CAST: variants seen among roughly 807,000 people sequenced by gnomAD.
CAST encodes the protein calpastatin.
A neutral mutation model predicts 119.6 loss-of-function variants in CAST; 76 were observed. The ratio of observed to expected loss-of-function variants is 0.64; its 90% confidence interval spans 0.53 to 0.77. The LOEUF (loss-of-function observed/expected upper bound fraction) is 0.77, where lower values mean the gene tolerates loss of function less well. CAST is among the 30% of genes least tolerant of loss of function. The pLI is 0.00. For missense variants in CAST, 953 were observed against 946.5 expected, an observed-to-expected ratio of 1.01 and a Z score of -0.09; for synonymous variants, 319 against 331.6, an observed-to-expected ratio of 0.96 and a Z score of 0.41.
rs140363961 is a variant in CAST, at chr5:96,550,508, C to A, written c.60+20628C>A. Among the ~76,000 whole-genome samples, 28 of 152,322 alleles carry A rather than the reference C, an allele frequency of 1.8e-4. 1 individual carries two copies. Among genetic ancestry groups the A allele is most frequent in the East Asian group, 1.7e-3 (9 of 5,182 alleles). On this transcript the variant is annotated intron_variant, in intron 1 of 11. Coordinates refer to the CAST transcript ENST00000505143. Reference sequence around the variant, plus strand: ...TCTAAAAACCAGAACGCCTCTTCTCCTCCAAAGGAACACAACTCCTCACCA... The same window carrying A: ...TCTAAAAACCAGAACGCCTCTTCTCATCCAAAGGAACACAACTCCTCACCA...
intron 1 of CAST, among the ~76,000 whole-genome samples, chr5:96,542,554 T>C (rs920772423): frequency 2.7e-5 from 4 of 148,724 alleles, no homozygotes; most frequent in African/African-American, 9.9e-5. Context: ...TCTTTTCATA[T>C]GATTATTTGC....
chr5:96,612,222 C>T (rs543459563), intron 1 of CAST, among the ~76,000 whole-genome samples: 1 of 152,242 alleles, frequency 6.6e-6, no homozygotes, highest in African/African-American at 2.4e-5. Context: ...ATATGAGATA[C>T]TTAGACACTA....
chr5:96,086,036 A>C, the CAST span, among the ~76,000 whole-genome samples: 1,496 of 152,292 alleles, frequency 9.8e-3, 31 homozygotes, highest in African/African-American at 0.034. Context: ...CAAGTCTCTA[A>C]TACAAAACAG....
chr5:96,186,413 C>G, the CAST span, among the ~76,000 whole-genome samples: 17 of 152,226 alleles, frequency 1.1e-4, no homozygotes, highest in South Asian at 2.1e-4. Context: ...ACAGGGCATC[C>G]TTGTCTTGTG....
intron 24 of CAST, among the ~76,000 whole-genome samples, 177 bp downstream of exon 24, chr5:96,757,831 C>T (rs563201144): frequency 2.2e-4 from 34 of 152,070 alleles, no homozygotes; most frequent in African/African-American, 7.5e-4. Context: ...GCTGGGACTA[C>T]AGGGGTGCAC....
chr5:96,677,397 A>G (rs865821296), intron 2 of CAST, among the ~76,000 whole-genome samples: 2 of 152,240 alleles, frequency 1.3e-5, no homozygotes, highest in Non-Finnish European at 2.9e-5. Context: ...CATTATTGGT[A>G]TGTAACAACT....
intron 4 of CAST, among the ~76,000 whole-genome samples, chr5:96,725,405 G>A (rs1293510098): frequency 6.6e-6 from 1 of 152,196 alleles, no homozygotes; most frequent in Non-Finnish European, 1.5e-5. Context: ...TGGGGAGAGA[G>A]TGCAGTGCGA....
intron 1 of CAST, among the ~76,000 whole-genome samples, chr5:96,560,680 A>T (rs1249136506): frequency 6.6e-6 from 1 of 152,160 alleles, no homozygotes; most frequent in Admixed American, 6.5e-5. Flanking sequence ...TAGAATGGCG[A>T]TCATTAAAAA....
At chr5:96,025,746 A>G in the CAST span, among the ~76,000 whole-genome samples, 2 of 152,208 alleles carry the variant, frequency 1.3e-5, no homozygotes, top group Non-Finnish European at 2.9e-5. Context: ...TGGGGCTGTC[A>G]AGGAAGGCTT....
chr5:96,709,495 A>T (rs1326990940), intron 3 of CAST, among the ~76,000 whole-genome samples: 2 of 152,116 alleles, frequency 1.3e-5, no homozygotes, highest in Non-Finnish European at 2.9e-5. Flanking sequence ...TTTTATGTTA[A>T]ATTTTATTCA....
At chr5:96,515,074 C>T in the CAST span, among the ~76,000 whole-genome samples, 1 of 152,106 alleles carries the variant, frequency 6.6e-6, no homozygotes, top group Non-Finnish European at 1.5e-5. Flanking sequence ...AAATGTCAAT[C>T]TTTCTCTTTT....
chr5:96,507,461 A>G, the CAST span, among the ~76,000 whole-genome samples: 20 of 152,300 alleles, frequency 1.3e-4, no homozygotes, highest in South Asian at 4.1e-3. Flanking sequence ...GGATCTCAAC[A>G]AACTTTTATA....
the CAST span, among the ~76,000 whole-genome samples, chr5:96,381,203 A>G: frequency 3.3e-5 from 5 of 152,210 alleles, no homozygotes; most frequent in Admixed American, 6.5e-5. Context: ...TCTTCTCATT[A>G]ACATTATGTT....
chr5:96,621,801 A>G lies in CAST; in HGVS notation c.61-53738A>G, dbSNP rs529286028. On this transcript the variant is annotated intron_variant, in intron 1 of 11. Transcript: ENST00000505143. ...GCATCTTCAGTCTTTCTCTCCTTCT[A>G]TCTTACTGTTGACATCCTTCTGGAA... Among the ~76,000 whole-genome samples the G allele has an allele frequency of 3.0e-4, 45 of 152,110 alleles. 1 individual carries two copies. Among genetic ancestry groups the G allele is most frequent in the Middle Eastern group, 6.8e-3 (2 of 292 alleles).
chr5:96,400,015 C>T, the CAST span: 52 of 1,614,212 alleles, frequency 3.2e-5, no homozygotes, highest in Non-Finnish European at 4.3e-5. Flanking sequence ...TCCTCCAGGT[C>T]CTGGGGTCAG....
At chr5:96,400,870 A>G in the CAST span, among the ~76,000 whole-genome samples, 5 of 150,664 alleles carry the variant, frequency 3.3e-5, no homozygotes, top group Non-Finnish European at 7.4e-5. Context: ...GGCGGATCAC[A>G]AGGTCAGGAG....
chr5:96,701,419 AC>A (rs761665292), intron 3 of CAST, among the ~76,000 whole-genome samples: 3 of 152,140 alleles, frequency 2.0e-5, no homozygotes, highest in African/African-American at 7.2e-5. Flanking sequence ...TGTCAGTGAA[AC>A]CTAGATGAGC....
At chr5:96,588,358 T>C (rs546780794) in intron 1 of CAST, among the ~76,000 whole-genome samples, 2 of 151,960 alleles carry the variant, frequency 1.3e-5, no homozygotes, top group South Asian at 4.2e-4. Context: ...CACGCCACCA[T>C]GCCCAGCTAA....
the CAST span, among the ~76,000 whole-genome samples, chr5:96,186,773 G>T: frequency 6.6e-6 from 1 of 152,118 alleles, no homozygotes; most frequent in African/African-American, 2.4e-5. Flanking sequence ...GACGATTTTT[G>T]CATTGATGTT....
Sources: gnomAD v4.1 joint callset for allele counts (sites outside exome capture counted in the v4.1 genomes callset) on GRCh38, gnomAD v4.1.1 for gene constraint, MANE v1.5 for transcripts, NCBI Gene and HGNC (gene_info 2026-07-23, HGNC 2026-07-21) for gene names.